Variants in MS4A4E observed in about 807,000 individuals in gnomAD.
MS4A4E encodes membrane spanning 4-domains A4E, also known as putative membrane-spanning 4-domains subfamily A member 4E.
MS4A4E carries 23 observed loss-of-function variants against 13.3 expected under a neutral mutation model. The observed-to-expected ratio is 1.73, with a 90% CI of 1.25 to 2.45. The LOEUF is 2.45. MS4A4E is among the 30% of genes most tolerant of loss of function. The pLI is 0.00. For synonymous variants in MS4A4E, 36 were observed against 45.6 expected, an observed-to-expected ratio of 0.79 and a Z score of 0.85; for missense variants, 144 against 131.2, an observed-to-expected ratio of 1.10 and a Z score of -0.48.
At chr11:60,232,481 T>G (rs2084424784) in intron 1 of MS4A4E, among the ~76,000 whole-genome samples, 1 of 152,236 alleles carries the variant, frequency 6.6e-6, no homozygotes, top group Non-Finnish European at 1.5e-5. Context: ...TTCCCCCAGT[T>G]AGAACCAGCT....
intron 8 of MS4A4E, among the ~76,000 whole-genome samples, 88 bp downstream of exon 8, chr11:60,204,802 C>CATCT (rs532454333): frequency 7.2e-5 from 11 of 152,176 alleles, no homozygotes; most frequent in Non-Finnish European, 1.3e-4. Context: ...AGACATAGAA[C>CATCT]ATCTATGCAA....
chr11:60,214,562 A>T lies in MS4A4E; in HGVS notation c.222+9T>A. 3.3e-6 allele frequency: 5 copies of T among 1,511,910 alleles called. No individual in the cohort carries two copies. The highest frequency in any genetic ancestry group is 3.5e-6 in the Non-Finnish European group (4 of 1,131,676). The allele number at this position is 1,511,910 out of a possible 1,614,324, so 93.7% of individuals were successfully genotyped here. A position where few individuals can be genotyped will look rare whatever the true frequency, so the allele number is the denominator to read the frequency against. Reference sequence around the variant, plus strand: ...TTCCTTTTGATACCCCCCACAAAACATTACTCACCAGACCTTTTGTTGTTC... The same window carrying T: ...TTCCTTTTGATACCCCCCACAAAACTTTACTCACCAGACCTTTTGTTGTTC... On this transcript the variant is annotated intron_variant, in intron 4 of 8. Coordinates refer to ENST00000651255, the MANE Select transcript of MS4A4E (RefSeq NM_001393391.1).
At chr11:60,206,842 C>G (rs946511050) in intron 6 of MS4A4E, 1 of 198,522 alleles carries the variant, frequency 5.0e-6, no homozygotes, top group East Asian at 1.2e-4. Flanking sequence ...CTCTTTTCTT[C>G]TCTGATTCAT....
intron 1 of MS4A4E, 81 bp from the exon 2 acceptor site, chr11:60,230,152 T>C: frequency 1.4e-6 from 2 of 1,442,602 alleles, no homozygotes; most frequent in Non-Finnish European, 1.8e-6. Context: ...GATTCCTCCC[T>C]AAGGACAAAA....
chr11:60,207,918 A>T (rs1288257642), intron 6 of MS4A4E, among the ~76,000 whole-genome samples: 1 of 152,200 alleles, frequency 6.6e-6, no homozygotes, highest in East Asian at 1.9e-4. Context: ...AGATCATGAC[A>T]TTCCTTCCGT....
intron 1 of MS4A4E, among the ~76,000 whole-genome samples, chr11:60,240,971 C>G (rs1022343606): frequency 6.6e-6 from 1 of 152,082 alleles, no homozygotes; most frequent in African/African-American, 2.4e-5. Context: ...GAAGATAATT[C>G]TTCTTAGTCC....
intron 1 of MS4A4E, among the ~76,000 whole-genome samples, chr11:60,241,283 C>T (rs1295111975): frequency 6.6e-6 from 1 of 152,208 alleles, no homozygotes; most frequent in Admixed American, 6.5e-5. Context: ...CTGGGCCTCC[C>T]AAAGTGCTGG....
chr11:60,201,399 CG>C lies in MS4A4E; in HGVS notation c.*143del, dbSNP rs1452565353. Reference sequence around the variant, plus strand: ...GGGGCTCCTCACTTCTCAGACGGGGCGGTTGCCAGGCGGAGGGTCTCCTCCC... The same window carrying C: ...GGGGCTCCTCACTTCTCAGACGGGGCGTTGCCAGGCGGAGGGTCTCCTCCC... On this transcript the variant is annotated 3_prime_UTR_variant, in exon 9 of 9. Transcript: ENST00000651255. 1 of 190,328 alleles carries C rather than the reference CG, an allele frequency of 5.3e-6. No homozygotes were observed. Among genetic ancestry groups the C allele is most frequent in the African/African-American group, 2.5e-5 (1 of 40,200 alleles). 11.8% of individuals were successfully genotyped at this position (190,328 alleles called of 1,614,324 possible).
Position 60,231,139 on chromosome 11 carries a change from G to T in MS4A4E, c.-16-1068C>A, listed in dbSNP as rs573592755. Among the ~76,000 whole-genome samples the T allele has an allele frequency of 8.5e-5, 13 of 152,122 alleles. No homozygotes were observed. The South Asian group carries it at 2.5e-3, about 29-fold the overall frequency. On this transcript the variant is annotated intron_variant, in intron 1 of 8. Transcript: ENST00000651255. ...AAATTGATTAAAGTTGGGAGAAGGA[G>T]GGTGAATTTCAGAGAAAGCTAGAGG...
rs2084522047 is a variant in MS4A4E at position 60,239,430 on chromosome 11, C to G, written c.-17+3528G>C. ...ACACTTCCTACCACTCAAGGACATG[C>G]TAAAGAGGGGCTTTATTCCTGGCAT... On this transcript the variant is annotated intron_variant, in intron 1 of 8. Transcript: ENST00000651255. Among the ~76,000 whole-genome samples, 3 of 152,254 alleles carry G rather than the reference C, an allele frequency of 2.0e-5. 1 individual carries two copies. In the South Asian group the frequency reaches 6.2e-4, roughly 32 times the overall value.
rs986577556 is a variant in MS4A4E at position 60,219,455 on chromosome 11, A to C, written c.179-4841T>G. On this transcript the variant is annotated intron_variant, in intron 3 of 8. Coordinates refer to ENST00000651255, the MANE Select transcript of MS4A4E (RefSeq NM_001393391.1). ...GGCTAATTAATTACAGCGTTCCTAG[A>C]AGTGAAATTGACAGGAAGCTTACCG... Among the ~76,000 whole-genome samples, 2 of 152,300 alleles carry C rather than the reference A, an allele frequency of 1.3e-5. 1 individual carries two copies. Among genetic ancestry groups the C allele is most frequent in the East Asian group, 3.9e-4 (2 of 5,178 alleles).
chr11:60,228,483 C>T, intron 3 of MS4A4E, 111 bp downstream of exon 3: 1 of 569,364 alleles, frequency 1.8e-6, no homozygotes, highest in Non-Finnish European at 3.1e-6. Flanking sequence ...AGGAACTCTC[C>T]TTCATTGTTG....
intron 2 of MS4A4E, among the ~76,000 whole-genome samples, chr11:60,229,504 A>T (rs2084381708): frequency 6.6e-6 from 1 of 152,112 alleles, no homozygotes; most frequent in East Asian, 1.9e-4. Context: ...AGAATAGCAG[A>T]TTTTTCATCC....
chr11:60,236,726 C>T (rs540612896), intron 1 of MS4A4E, among the ~76,000 whole-genome samples: 1 of 151,198 alleles, frequency 6.6e-6, no homozygotes, highest in East Asian at 1.9e-4. Context: ...ATTATTTTAT[C>T]ATCCAGGTTT....
At chr11:60,234,989 G>A (rs928335932) in intron 1 of MS4A4E, among the ~76,000 whole-genome samples, 15 of 152,060 alleles carry the variant, frequency 9.9e-5, no homozygotes, top group Admixed American at 2.6e-4. Flanking sequence ...AGTAGTCAAA[G>A]GAGAAGGACT....
chr11:60,206,852 T>G (rs1003704602), intron 6 of MS4A4E: 16 of 187,458 alleles, frequency 8.5e-5, no homozygotes, highest in African/African-American at 3.3e-4. Flanking sequence ...CTCTGATTCA[T>G]TCTCAATATC....
At chr11:60,214,068 T>A (rs2084159891) in intron 4 of MS4A4E, among the ~76,000 whole-genome samples, 1 of 152,002 alleles carries the variant, frequency 6.6e-6, no homozygotes, top group Admixed American at 6.6e-5. Context: ...CCACGCCTGG[T>A]AATTTTTTTG....
chr11:60,214,885 G>A (rs2084171153), intron 3 of MS4A4E, among the ~76,000 whole-genome samples: 1 of 152,092 alleles, frequency 6.6e-6, no homozygotes, highest in African/African-American at 2.4e-5. Context: ...GACACTGAAA[G>A]ATAAAGCTTC....
At chr11:60,239,590 T>G (rs1393106548) in intron 1 of MS4A4E, among the ~76,000 whole-genome samples, 1 of 152,178 alleles carries the variant, frequency 6.6e-6, no homozygotes, top group Non-Finnish European at 1.5e-5. Flanking sequence ...GCAGTTTGTC[T>G]CAAAGATTGG....
Sources: gnomAD v4.1 joint callset for allele counts (sites outside exome capture counted in the v4.1 genomes callset) on GRCh38, gnomAD v4.1.1 for gene constraint, MANE v1.5 for transcripts, NCBI Gene and HGNC (gene_info 2026-07-23, HGNC 2026-07-21) for gene names.